The following ROBO1 variants were observed in gnomAD, a reference collection of about 807,000 sequenced individuals.
ROBO1 encodes the protein roundabout homolog 1.
A neutral mutation model predicts 195.9 loss-of-function variants in ROBO1; 149 were observed. The ratio of observed to expected loss-of-function variants is 0.76; its 90% CI spans 0.67 to 0.87. ROBO1 has a LOEUF of 0.87. Among genes scored for constraint, ROBO1 ranks in the 40% least tolerant of loss-of-function variants. The pLI, the probability that ROBO1 is intolerant of heterozygous loss-of-function variation, is 0.00. For missense variants in ROBO1, 1,933 were observed against 2,068.3 expected, an observed-to-expected ratio of 0.93 and a Z score of 1.27; for synonymous variants, 816 against 733.2, an observed-to-expected ratio of 1.11 and a Z score of -1.82.
intron 2 of ROBO1, among the ~76,000 whole-genome samples, chr3:79,128,059 C>T (rs757479649): frequency 1.3e-5 from 2 of 152,126 alleles, no homozygotes; most frequent in Non-Finnish European, 2.9e-5. Flanking sequence ...TGACTCACTG[C>T]GACAGAGCTG....
At chr3:79,509,797 G>A (rs2107535792) in intron 2 of ROBO1, among the ~76,000 whole-genome samples, 1 of 152,138 alleles carries the variant, frequency 6.6e-6, no homozygotes, top group South Asian at 2.1e-4. Context: ...ATGTGATTCT[G>A]TGAAATAATG....
At chr3:79,577,864 A>G (rs1359400989) in intron 2 of ROBO1, among the ~76,000 whole-genome samples, 1 of 152,014 alleles carries the variant, frequency 6.6e-6, no homozygotes, top group Non-Finnish European at 1.5e-5. Flanking sequence ...GTGAGCGGAG[A>G]GCGCGCCACC....
rs562239052 is a variant in ROBO1, at chr3:79,290,467, T to C, written c.89-164928A>G. 1.6e-4 allele frequency among the ~76,000 whole-genome samples: 25 copies of C among 152,308 alleles called. No homozygotes were observed. In the South Asian group the frequency reaches 5.2e-3, roughly 32 times the overall value. Reference sequence around the variant, plus strand: ...ATCAACATCAGGACTGTTTAATCTCTATAGTATTCTCTTACTATGCAACCT... The same window carrying C: ...ATCAACATCAGGACTGTTTAATCTCCATAGTATTCTCTTACTATGCAACCT... On this transcript the variant is annotated intron_variant, in intron 2 of 30. Transcript: ENST00000464233.
intron 4 of ROBO1, among the ~76,000 whole-genome samples, chr3:78,916,226 G>A (rs2038567967): frequency 6.9e-6 from 1 of 145,454 alleles, no homozygotes; most frequent in Non-Finnish European, 1.5e-5. Context: ...CTCCAGCCTG[G>A]GCGACAGCGA....
intron 4 of ROBO1, among the ~76,000 whole-genome samples, chr3:78,921,486 G>T: frequency 6.6e-6 from 1 of 152,122 alleles, no homozygotes; most frequent in East Asian, 1.9e-4. Context: ...TGCAACACAG[G>T]TCATTTTGAA....
At chr3:78,820,149 T>A (rs559347420) in intron 4 of ROBO1, among the ~76,000 whole-genome samples, 10 of 152,218 alleles carry the variant, frequency 6.6e-5, no homozygotes, top group Admixed American at 1.3e-4. Flanking sequence ...AAACGTGTTA[T>A]CTGTTTGATT....
intron 3 of ROBO1, among the ~76,000 whole-genome samples, chr3:79,097,242 A>G (rs1388931974): frequency 6.6e-6 from 1 of 151,838 alleles, no homozygotes; most frequent in Non-Finnish European, 1.5e-5. Flanking sequence ...TTTCAAGTAG[A>G]TTATTTCTAA....
rs1249280963 is a variant in ROBO1 at position 79,001,209 on chromosome 3, A to G, written c.173-62282T>C. ...ATCTAGATGACAGGTTGACAGGTGC[A>G]GCAAACCACCATGGCACATGTATAC... is the stretch of plus-strand genomic sequence containing the variant. On this transcript the variant is annotated intron_variant, in intron 3 of 30. Coordinates refer to ENST00000464233, the MANE Select transcript of ROBO1 (RefSeq NM_002941.4). Among the ~76,000 whole-genome samples, 6 of 152,146 alleles carry G rather than the reference A, an allele frequency of 3.9e-5. No individual in the cohort carries two copies. In the South Asian group the frequency reaches 8.3e-4, roughly 21 times the overall value.
At chr3:78,724,551 A>C (rs2082119617) in intron 5 of ROBO1, among the ~76,000 whole-genome samples, 1 of 149,858 alleles carries the variant, frequency 6.7e-6, no homozygotes, top group Non-Finnish European at 1.5e-5. Context: ...GTGTGCTGGC[A>C]CATGCGTGTA....
At chr3:79,742,580 T>A (rs931620511) in intron 1 of ROBO1, among the ~76,000 whole-genome samples, 2 of 152,178 alleles carry the variant, frequency 1.3e-5, no homozygotes, top group African/African-American at 4.8e-5. Context: ...TCTGCCATGA[T>A]TGTAAATTTC....
intron 3 of ROBO1, among the ~76,000 whole-genome samples, chr3:79,033,688 A>G (rs1264491747): frequency 1.3e-5 from 2 of 152,298 alleles, no homozygotes; most frequent in Middle Eastern, 3.4e-3. Flanking sequence ...TCTAAAATGC[A>G]CTTGGGTTAA....
chr3:78,847,107 G>C (rs922455469), intron 4 of ROBO1, among the ~76,000 whole-genome samples: 5 of 152,086 alleles, frequency 3.3e-5, no homozygotes, highest in African/African-American at 7.2e-5. Context: ...CTAGGCTCCA[G>C]GCTGCAAAAT....
At chr3:79,225,396 CT>C (rs2082209404) in intron 2 of ROBO1, among the ~76,000 whole-genome samples, 1 of 152,166 alleles carries the variant, frequency 6.6e-6, no homozygotes, top group African/African-American at 2.4e-5. Context: ...AAAAAATATG[CT>C]AGCATAGAAA....
chr3:79,320,644 C>A (rs2033940326), intron 2 of ROBO1, among the ~76,000 whole-genome samples: 1 of 152,118 alleles, frequency 6.6e-6, no homozygotes, highest in African/African-American at 2.4e-5. Flanking sequence ...AGGATTTCAA[C>A]ATATGAATGT....
intron 4 of ROBO1, among the ~76,000 whole-genome samples, chr3:78,780,065 T>C (rs1307366645): frequency 5.9e-5 from 9 of 151,822 alleles, no homozygotes; most frequent in Non-Finnish European, 1.0e-4. Context: ...TGAGAACACA[T>C]GGACACAGGG....
At chr3:78,704,546 T>A in intron 8 of ROBO1, among the ~76,000 whole-genome samples, 1 of 151,418 alleles carries the variant, frequency 6.6e-6, no homozygotes, top group Middle Eastern at 3.4e-3. Flanking sequence ...ACCTAAATTT[T>A]AATTTTACAA....
intron 4 of ROBO1, among the ~76,000 whole-genome samples, chr3:78,885,437 A>AC (rs1417657063): frequency 1.3e-5 from 2 of 150,306 alleles, no homozygotes; most frequent in Non-Finnish European, 3.0e-5. Flanking sequence ...AAAAAAAAAA[A>AC]AAAAACTGAG....
At chr3:79,759,526 G>A (rs915990253) in intron 1 of ROBO1, among the ~76,000 whole-genome samples, 7 of 152,092 alleles carry the variant, frequency 4.6e-5, no homozygotes, top group African/African-American at 1.7e-4. Context: ...TAGTAAACAG[G>A]ATTCATTAAT....
At chr3:79,574,418 A>C (rs1012175437) in intron 2 of ROBO1, among the ~76,000 whole-genome samples, 1 of 151,802 alleles carries the variant, frequency 6.6e-6, no homozygotes, top group Non-Finnish European at 1.5e-5. Flanking sequence ...TGCTACCATA[A>C]ATTTTGCTAC....
Sources: allele counts gnomAD v4.1 joint callset (sites outside exome capture counted in the v4.1 genomes callset), GRCh38; gene constraint gnomAD v4.1.1; transcripts MANE v1.5; gene names NCBI Gene and HGNC (gene_info 2026-07-23, HGNC 2026-07-21).